The following CALML4 variants were observed in gnomAD, a reference collection of about 807,000 sequenced individuals.
CALML4 encodes the protein calmodulin-like protein 4.
In CALML4, 16 loss-of-function variants were observed where a neutral mutation model predicts 17.9. The ratio of observed to expected loss-of-function variants is 0.89; its 90% confidence interval spans 0.61 to 1.36. CALML4 has a LOEUF of 1.36. Among genes scored for constraint, CALML4 ranks in the 40% most tolerant of loss-of-function variants. CALML4 has a pLI of 0.00. For missense variants in CALML4, 203 were observed against 194.8 expected (o/e 1.04, Z -0.25); for synonymous variants, 86 against 71.5 (o/e 1.20, Z -1.02).
chr15:68,195,138 G>A (rs1291636711), intron 4 of CALML4, among the ~76,000 whole-genome samples: 1 of 151,894 alleles, frequency 6.6e-6, no homozygotes, highest in Non-Finnish European at 1.5e-5. Flanking sequence ...GTTGGCAAGA[G>A]CCATTTCAGC....
rs570128082 is a variant in CALML4 at position 68,205,292 on chromosome 15, C to A, written c.-45G>T. ...CCCGTGGGCTTGCTGCTCCCAGAAC[C>A]GCGTTCAGTTCCCTTTCCTCCAGCC... On this transcript the variant is annotated 5_prime_UTR_variant, in exon 1 of 5. Transcript: ENST00000467889. The surrounding 1 kb of genome is among the most constrained non-coding windows in gnomAD (Gnocchi z 4.8). The A allele has an allele frequency of 6.2e-7, 1 of 1,614,152 alleles. No homozygotes were observed. The highest frequency in any genetic ancestry group is 2.2e-5 in the East Asian group (1 of 44,872).
chr15:68,199,485 TC>T, intron 3 of CALML4, 55 bp downstream of exon 3: 1 of 1,563,928 alleles, frequency 6.4e-7, no homozygotes, highest in East Asian at 2.3e-5. Context: ...ACCTCTACTG[TC>T]TGCACCCACC....
Position 68,197,481 on chromosome 15 carries a change from G to C in CALML4, c.323C>G (p.Ser108Ter), listed in dbSNP as rs768929043. 6.8e-6 allele frequency: 11 copies of C among 1,614,098 alleles called. No individual in the cohort carries two copies. The South Asian group carries it at 1.2e-4, about 18-fold the overall frequency. Residue 108 changes from serine (S) to a stop codon, truncating the protein, a stop_gained, in exon 4 of 5, where the codon TCA becomes TGA. Transcript: ENST00000467889. LOFTEE classifies it high-confidence loss of function. This position sits in a 1 kb window ranked among gnomAD's most constrained non-coding sequence, Gnocchi z 4.1. ...KGYVMASDLR[S>*]KLTSLGEKLT... ...CTTCTCCCCCAGACTCGTGAGTTTTGACCGCAGGTCGGACGCCATGACGTA... is the reference window on the plus strand; with the variant it reads ...CTTCTCCCCCAGACTCGTGAGTTTTCACCGCAGGTCGGACGCCATGACGTA...
At chr15:68,196,441 G>A (rs2141123965) in intron 4 of CALML4, among the ~76,000 whole-genome samples, 1 of 152,302 alleles carries the variant, frequency 6.6e-6, no homozygotes, top group South Asian at 2.1e-4. Context: ...CTCTCCTCCA[G>A]TGGTTTATTG....
rs527669396 is a variant in CALML4 at position 68,192,004 on chromosome 15, T to C, written c.*2011A>G. 7.2e-5 allele frequency: 11 copies of C among 152,364 alleles called. No individual in the cohort carries two copies. The South Asian group carries it at 2.3e-3, about 32-fold the overall frequency. 9.4% of individuals were successfully genotyped at this position (152,364 alleles called of 1,614,324 possible). A position where few individuals can be genotyped will look rare whatever the true frequency, so the allele number is the denominator to read the frequency against. On this transcript the variant is annotated 3_prime_UTR_variant, in exon 5 of 5. Transcript: ENST00000467889. ...GGCAAATGAGATTCATAAAACTTGC[T>C]TTAAAACCATACTGGGACTATTCAG...
At chr15:68,194,993 CTG>C (rs2093137629) in intron 4 of CALML4, among the ~76,000 whole-genome samples, 1 of 150,802 alleles carries the variant, frequency 6.6e-6, no homozygotes, top group Admixed American at 6.6e-5. Flanking sequence ...AAATCCAACT[CTG>C]TTGAGAGCTC....
chr15:68,194,351 TG>T (rs1422878458), intron 4 of CALML4, among the ~76,000 whole-genome samples: 1 of 151,060 alleles, frequency 6.6e-6, no homozygotes, highest in Non-Finnish European at 1.5e-5. Flanking sequence ...GGAGGTGTAC[TG>T]GTAAGGATTC....
Position 68,205,058 on chromosome 15 carries a change from G to C in CALML4, c.34+63C>G, listed in dbSNP as rs1201481921. The C allele has an allele frequency of 6.3e-7, 1 of 1,579,382 alleles. No individual in the cohort carries two copies. Among genetic ancestry groups the C allele is most frequent in the Admixed American group, 1.7e-5 (1 of 59,892 alleles). Reference sequence around the variant, plus strand: ...TTCCCACCAAGAAAACATGAGCAGAGCAAATTGCCTAATGAGACCCATATT... The same window carrying C: ...TTCCCACCAAGAAAACATGAGCAGACCAAATTGCCTAATGAGACCCATATT... On this transcript the variant is annotated intron_variant, in intron 2 of 4. Coordinates refer to ENST00000467889, the MANE Select transcript of CALML4 (RefSeq NM_033429.3). The surrounding 1 kb of genome is among the most constrained non-coding windows in gnomAD (Gnocchi z 4.8).
chr15:68,199,520 G>A (rs550431346), intron 3 of CALML4, 21 bp downstream of exon 3: 19 of 1,598,754 alleles, frequency 1.2e-5, no homozygotes, highest in South Asian at 1.1e-4. Context: ...CCCTCTCCCC[G>A]TTGTTCCCAC....
At position 68,193,310 on chromosome 15, in the gene CALML4, C is replaced by T. The variant is rs1223014441; in HGVS notation, c.*705G>A. 6.6e-6 allele frequency: 1 copy of T among 152,316 alleles called. No individual in the cohort carries two copies. The highest frequency in any genetic ancestry group is 1.5e-5 in the Non-Finnish European group (1 of 68,108). The allele number at this position is 152,316 out of a possible 1,614,324, so 9.4% of individuals were successfully genotyped here. On this transcript the variant is annotated 3_prime_UTR_variant, in exon 5 of 5. Transcript: ENST00000467889. ...GGTGTGGGGTGTAAAGTAGATCGCTCTTCCTGCTCTCAGCTGATGCTGCCT... is the reference window on the plus strand; with the variant it reads ...GGTGTGGGGTGTAAAGTAGATCGCTTTTCCTGCTCTCAGCTGATGCTGCCT...
At chr15:68,203,120 T>G (rs58038746) in intron 2 of CALML4, among the ~76,000 whole-genome samples, 10,211 of 152,038 alleles carry the variant, frequency 0.067, 945 homozygotes, top group African/African-American at 0.21. Flanking sequence ...CTGGCCAGTT[T>G]TGTATTTTTA....
In CALML4 at chr15:68,197,456, C is replaced by G. The variant is rs780923053; in HGVS notation, c.348G>C (p.Lys116Asn). The change falls in exon 4 of 5, where the codon AAG becomes AAC. Residue 116 changes from lysine (K) to asparagine (N), a missense_variant. Lys to Asn is a moderately conservative substitution (Grantham distance 94). Coordinates refer to ENST00000467889, the MANE Select transcript of CALML4 (RefSeq NM_033429.3). The surrounding 1 kb of genome is among the most constrained non-coding windows in gnomAD (Gnocchi z 4.1). Reference sequence around the variant, plus strand: ...GGCTGTTACCTTCCTTGTGGGTGAGCTTCTCCCCCAGACTCGTGAGTTTTG... The same window carrying G: ...GGCTGTTACCTTCCTTGTGGGTGAGGTTCTCCCCCAGACTCGTGAGTTTTG... ...LRSKLTSLGE[K>N]LTHKEVDDLF... 7 of 1,613,818 alleles carry G rather than the reference C, an allele frequency of 4.3e-6. No homozygotes were observed. Among genetic ancestry groups the G allele is most frequent in the Non-Finnish European group, 5.9e-6 (7 of 1,179,868 alleles).
chr15:68,200,040 C>G lies in CALML4; in HGVS notation c.35-359G>C, dbSNP rs773442955. ...ACTCCCTCCCTTCCTTCTCCCTCCC[C>G]CTCCCCGCCAACCCACAGGACTGGA... On this transcript the variant is annotated intron_variant, in intron 2 of 4. Transcript: ENST00000467889. This position sits in a 1 kb window ranked among gnomAD's most constrained non-coding sequence, Gnocchi z 4.3. The G allele has an allele frequency of 5.8e-4, 95 of 164,728 alleles. 1 individual carries two copies. In the Middle Eastern group the frequency reaches 7.6e-3, roughly 13 times the overall value. 10.2% of individuals were successfully genotyped at this position (164,728 alleles called of 1,614,324 possible). A position where few individuals can be genotyped will look rare whatever the true frequency, so the allele number is the denominator to read the frequency against.
At position 68,197,357 on chromosome 15, in the gene CALML4, G is replaced by T; in HGVS notation, c.364+83C>A. On this transcript the variant is annotated intron_variant, in intron 4 of 4. Transcript: ENST00000467889. The surrounding 1 kb of genome is among the most constrained non-coding windows in gnomAD (Gnocchi z 4.1). ...CAACAGAGGTGGTCTGTACCACCCT[G>T]GTGGCATCAGCTAGGCTTTGGTGCC... is the stretch of plus-strand genomic sequence containing the variant. The T allele has an allele frequency of 7.2e-7, 1 of 1,380,972 alleles. No homozygotes were observed. Among genetic ancestry groups the T allele is most frequent in the Non-Finnish European group, 1.0e-6 (1 of 997,080 alleles). The allele number at this position is 1,380,972 out of a possible 1,614,324, so 85.5% of individuals were successfully genotyped here.
At position 68,197,854 on chromosome 15, in the gene CALML4, G is replaced by A. The variant is rs530673200; in HGVS notation, c.176-226C>T. 5.8e-6 allele frequency: 3 copies of A among 519,900 alleles called. No individual in the cohort carries two copies. Among genetic ancestry groups the A allele is most frequent in the Non-Finnish European group, 1.0e-5 (3 of 290,646 alleles). The allele number at this position is 519,900 out of a possible 1,614,324, so 32.2% of individuals were successfully genotyped here. ...TCATTTCAGCAACGTCCTCAGTGAC[G>A]ATGCTTATCATCACCCCAAAGCTCA... On this transcript the variant is annotated intron_variant, in intron 3 of 4. Transcript: ENST00000467889. This position sits in a 1 kb window ranked among gnomAD's most constrained non-coding sequence, Gnocchi z 4.1.
intron 4 of CALML4, among the ~76,000 whole-genome samples, chr15:68,195,421 A>ACAAT (rs1306287958): frequency 6.6e-6 from 1 of 152,328 alleles, no homozygotes; most frequent in East Asian, 1.9e-4. Context: ...AGAAGTTTCC[A>ACAAT]CAATCAGCCA....
Position 68,203,804 on chromosome 15 carries a change from C to T in CALML4, c.34+1317G>A, listed in dbSNP as rs529914451. On this transcript the variant is annotated intron_variant, in intron 2 of 4. Coordinates refer to ENST00000467889, the MANE Select transcript of CALML4 (RefSeq NM_033429.3). ...GCCTCCAAAGCCCCTGTTCTTCCCA[C>T]TTCGCTAGGCCACCCCATCCAGTCT... 7.2e-5 allele frequency among the ~76,000 whole-genome samples: 11 copies of T among 152,326 alleles called. No individual in the cohort carries two copies. The South Asian group carries it at 2.3e-3, about 32-fold the overall frequency.
rs1460727650 is a variant in CALML4 at position 68,192,659 on chromosome 15, CTTG to C, written c.*1353_*1355del. On this transcript the variant is annotated 3_prime_UTR_variant, in exon 5 of 5. Coordinates refer to ENST00000467889, the MANE Select transcript of CALML4 (RefSeq NM_033429.3). ...AGACAGTTGCACTAACACTACAACTCTTGTTCCCTGCAGTTTTCCCTGTGCCCG... is the reference window on the plus strand; with the variant it reads ...AGACAGTTGCACTAACACTACAACTCTTCCCTGCAGTTTTCCCTGTGCCCG... The C allele has an allele frequency of 6.6e-6, 1 of 152,220 alleles. No homozygotes were observed. The highest frequency in any genetic ancestry group is 1.5e-5 in the Non-Finnish European group (1 of 68,056). 9.4% of individuals were successfully genotyped at this position (152,220 alleles called of 1,614,324 possible). A position where few individuals can be genotyped will look rare whatever the true frequency, so the allele number is the denominator to read the frequency against.
Position 68,200,387 on chromosome 15 carries a change from G to GA in CALML4, c.35-707dup, listed in dbSNP as rs2093161762. On this transcript the variant is annotated intron_variant, in intron 2 of 4. Transcript: ENST00000467889. The surrounding 1 kb of genome is among the most constrained non-coding windows in gnomAD (Gnocchi z 4.3). ...TAGAGACTTCAAAGGGTCCTGCTGG[G>GA]AAATTCTCCCAGGGTCTGAAGCCCT... 1.3e-5 allele frequency among the ~76,000 whole-genome samples: 2 copies of GA among 152,186 alleles called. No individual in the cohort carries two copies. Among genetic ancestry groups the GA allele is most frequent in the South Asian group, 4.1e-4 (2 of 4,832 alleles).
Sources: gnomAD v4.1 joint callset for allele counts (sites outside exome capture counted in the v4.1 genomes callset) on GRCh38, gnomAD v4.1.1 for gene constraint, Gnocchi (gnomAD v3.1) non-coding constraint, MANE v1.5 for transcripts, NCBI Gene and HGNC (gene_info 2026-07-23, HGNC 2026-07-21) for gene names.